Variants in CPS1 observed in about 807,000 individuals in gnomAD.
CPS1 encodes carbamoyl-phosphate synthase [ammonia], mitochondrial.
A neutral mutation model predicts 174.6 loss-of-function variants in CPS1; 109 were observed. The ratio of observed to expected loss-of-function variants is 0.62; its 90% CI spans 0.53 to 0.73. CPS1 has a LOEUF of 0.73. Ranked by LOEUF, CPS1 falls within the 30% of genes least tolerant of loss-of-function variation. The pLI is 0.00. For missense variants in CPS1, 1,689 were observed against 1,821.9 expected (o/e 0.93, Z 1.33); for synonymous variants, 637 against 632.0 (o/e 1.01, Z -0.12).
At chr2:210,519,157 T>C (rs1050971920) in intron 1 of CPS1, among the ~76,000 whole-genome samples, 2 of 152,072 alleles carry the variant, frequency 1.3e-5, no homozygotes, top group Non-Finnish European at 2.9e-5. Flanking sequence ...GTCCCATCTT[T>C]ACACATTAAT....
At chr2:210,637,988 C>T in intron 22 of CPS1, 145 bp downstream of exon 22, 1 of 909,066 alleles carries the variant, frequency 1.1e-6, no homozygotes. Context: ...CTCATAATGT[C>T]ACCAATTTTA....
chr2:210,643,866 A>C (rs1355602333), intron 25 of CPS1, among the ~76,000 whole-genome samples: 1 of 152,122 alleles, frequency 6.6e-6, no homozygotes, highest in Non-Finnish European at 1.5e-5. Flanking sequence ...GGTGGGGATC[A>C]AAATAAGTGC....
chr2:210,520,963 AGG>A (rs1695808501), intron 1 of CPS1, among the ~76,000 whole-genome samples: 1 of 152,046 alleles, frequency 6.6e-6, no homozygotes, highest in Middle Eastern at 3.2e-3. Flanking sequence ...TGGGGGAAAA[AGG>A]GGATCCAATA....
intron 36 of CPS1, among the ~76,000 whole-genome samples, chr2:210,676,413 A>G (rs1440551192): frequency 6.6e-6 from 1 of 152,254 alleles, no homozygotes; most frequent in Admixed American, 6.5e-5. Flanking sequence ...TCTATGTGGC[A>G]TAAGTACATA....
intron 24 of CPS1, among the ~76,000 whole-genome samples, chr2:210,640,559 T>C (rs1282527627): frequency 3.3e-5 from 5 of 152,192 alleles, no homozygotes; most frequent in Admixed American, 6.5e-5. Context: ...AATTAAAACA[T>C]AATCACCAGA....
chr2:210,553,415 C>T (rs779532034), upstream of CPS1, among the ~76,000 whole-genome samples: 1 of 151,652 alleles, frequency 6.6e-6, no homozygotes, highest in Non-Finnish European at 1.5e-5. Context: ...AATAAAGTGC[C>T]CTGAGGGATT....
At position 210,606,727 on chromosome 2, in the gene CPS1, A is replaced by G. The variant is rs773658310; in HGVS notation, c.1982-4A>G. ...CAAGTAATGAGTGCTTCTTGGATAT[A>G]TAGGTGACTCAGTTGTTGTGGCTCC... On this transcript the variant is annotated splice_region_variant and splice_polypyrimidine_tract_variant and intron_variant, in intron 17 of 37. Coordinates refer to ENST00000233072, the MANE Select transcript of CPS1 (RefSeq NM_001875.5). 4 of 1,612,210 alleles carry G rather than the reference A, an allele frequency of 2.5e-6. No individual in the cohort carries two copies. The highest frequency in any genetic ancestry group is 1.7e-5 in the Admixed American group (1 of 59,814).
Position 210,616,412 on chromosome 2 carries a change from C to A in CPS1, c.2569-11C>A, listed in dbSNP as rs1699306010. ...GTTTGCCAAAGAAAGTATCTCTTCT[C>A]CTCTTGGCAGGCCATTGATGACAAC... On this transcript the variant is annotated splice_polypyrimidine_tract_variant and intron_variant, in intron 20 of 37. Transcript: ENST00000233072. 3 of 1,563,930 alleles carry A rather than the reference C, an allele frequency of 1.9e-6. No homozygotes were observed. Among genetic ancestry groups the A allele is most frequent in the East Asian group, 2.2e-5 (1 of 44,590 alleles).
intron 20 of CPS1, among the ~76,000 whole-genome samples, chr2:210,614,630 T>G (rs543520184): frequency 6.6e-6 from 1 of 152,114 alleles, no homozygotes; most frequent in African/African-American, 2.4e-5. Flanking sequence ...TGGTTTTGAT[T>G]TGCATTTCTC....
intron 1 of CPS1, among the ~76,000 whole-genome samples, chr2:210,566,256 C>A (rs1040650937): frequency 6.6e-6 from 1 of 152,076 alleles, no homozygotes; most frequent in African/African-American, 2.4e-5. Context: ...AAATTGAATC[C>A]TCCATCACTG....
chr2:210,518,418 T>C (rs1695736462), intron 1 of CPS1, among the ~76,000 whole-genome samples: 1 of 152,118 alleles, frequency 6.6e-6, no homozygotes, highest in African/African-American at 2.4e-5. Flanking sequence ...CAACCATTCT[T>C]GTAGATAGAT....
intron 21 of CPS1, among the ~76,000 whole-genome samples, chr2:210,628,840 A>C (rs966187929): frequency 3.3e-5 from 5 of 152,132 alleles, no homozygotes; most frequent in African/African-American, 1.2e-4. Flanking sequence ...GGCTCTAAGT[A>C]ATTCTTTCTA....
chr2:210,567,597 A>G (rs1697343756), intron 1 of CPS1, among the ~76,000 whole-genome samples: 1 of 152,170 alleles, frequency 6.6e-6, no homozygotes, highest in African/African-American at 2.4e-5. Context: ...GGAGGATTAG[A>G]TTTCTACATA....
chr2:210,513,015 T>G (rs377274617), intron 1 of CPS1, among the ~76,000 whole-genome samples: 446 of 16,356 alleles, frequency 0.027, 205 homozygotes, highest in Middle Eastern at 0.1. Flanking sequence ...TATATATATC[T>G]ATATATCTAT....
At chr2:210,666,203 TTCATTGTAG>T (rs1258656365) in intron 33 of CPS1, among the ~76,000 whole-genome samples, 3 of 151,180 alleles carry the variant, frequency 2.0e-5, no homozygotes, top group Non-Finnish European at 4.4e-5. Context: ...TTTGTTTGAG[TTCATTGTAG>T]ATTCTGGATA....
At chr2:210,616,689 C>A in intron 21 of CPS1, 148 bp downstream of exon 21, 1 of 635,020 alleles carries the variant, frequency 1.6e-6, no homozygotes, top group Non-Finnish European at 2.8e-6. Context: ...AGCCAGAAGA[C>A]AAATGGCAGG....
At chr2:210,639,767 G>A (rs1464688706) in intron 23 of CPS1, among the ~76,000 whole-genome samples, 3 of 151,754 alleles carry the variant, frequency 2.0e-5, no homozygotes, top group Non-Finnish European at 4.4e-5. Context: ...ATACAATTAT[G>A]CTATGTTCTC....
intron 4 of CPS1, among the ~76,000 whole-genome samples, chr2:210,578,605 T>G (rs1697791797): frequency 6.6e-6 from 1 of 152,154 alleles, no homozygotes; most frequent in Non-Finnish European, 1.5e-5. Flanking sequence ...TGTCTATCTA[T>G]GGGGGCTAAA....
chr2:210,604,060 G>A (rs956484831), intron 16 of CPS1, among the ~76,000 whole-genome samples: 12 of 151,610 alleles, frequency 7.9e-5, no homozygotes, highest in African/African-American at 2.7e-4. Flanking sequence ...TCTTCTTTTA[G>A]CAGGCAACCG....
Sources: allele counts gnomAD v4.1 joint callset (sites outside exome capture counted in the v4.1 genomes callset), GRCh38; gene constraint gnomAD v4.1.1; transcripts MANE v1.5; gene names NCBI Gene and HGNC (gene_info 2026-07-23, HGNC 2026-07-21).